BCKDHB: variants seen among roughly 807,000 people sequenced by gnomAD.
BCKDHB encodes branched chain keto acid dehydrogenase E1 subunit beta, also known as 2-oxoisovalerate dehydrogenase subunit beta, mitochondrial.
In BCKDHB, 41 loss-of-function variants were observed where a neutral mutation model predicts 48.5. The ratio of observed to expected loss-of-function variants is 0.85; its 90% CI spans 0.66 to 1.10. The LOEUF (loss-of-function observed/expected upper bound fraction) is 1.10. Among genes scored for constraint, BCKDHB ranks in the 50% least tolerant of loss-of-function variants. The pLI, the probability that BCKDHB is intolerant of heterozygous loss-of-function variation, is 0.00. For missense variants in BCKDHB, 496 were observed against 494.2 expected, an observed-to-expected ratio of 1.00 and a Z score of -0.03; for synonymous variants, 201 against 174.8, an observed-to-expected ratio of 1.15 and a Z score of -1.18.
chr6:80,146,208 G>A (rs56184211), intron 3 of BCKDHB, among the ~76,000 whole-genome samples: 8 of 152,044 alleles, frequency 5.3e-5, no homozygotes, highest in Non-Finnish European at 1.2e-4. Flanking sequence ...GCTCTGGAAG[G>A]TACTAAAATT....
chr6:80,289,638 G>A (rs1766808410), intron 9 of BCKDHB, among the ~76,000 whole-genome samples: 1 of 152,108 alleles, frequency 6.6e-6, no homozygotes, highest in Non-Finnish European at 1.5e-5. Context: ...CTTGGGAAAG[G>A]GGTGAATGAG....
the BCKDHB span, among the ~76,000 whole-genome samples, chr6:80,360,565 G>T: frequency 6.6e-6 from 1 of 152,188 alleles, no homozygotes; most frequent in African/African-American, 2.4e-5. Context: ...TATGTTCACA[G>T]ATTGCTACTT....
intron 1 of BCKDHB, among the ~76,000 whole-genome samples, chr6:80,112,287 G>T (rs1769451068): frequency 6.6e-6 from 1 of 152,130 alleles, no homozygotes. Flanking sequence ...ATCCAGTGAA[G>T]GCTGTGAACC....
chr6:80,400,574 A>G, the BCKDHB span, among the ~76,000 whole-genome samples: 1 of 152,036 alleles, frequency 6.6e-6, no homozygotes, highest in Non-Finnish European at 1.5e-5. Context: ...AAAATAATAG[A>G]TGCTGGTGAG....
the BCKDHB span, among the ~76,000 whole-genome samples, chr6:80,442,380 G>A: frequency 2.0e-5 from 3 of 152,030 alleles, no homozygotes; most frequent in Non-Finnish European, 4.4e-5. Flanking sequence ...TTATACAACA[G>A]TATACTAAAT....
chr6:80,215,767 C>G (rs143627906), intron 8 of BCKDHB, among the ~76,000 whole-genome samples: 1 of 152,028 alleles, frequency 6.6e-6, no homozygotes, highest in East Asian at 1.9e-4. Flanking sequence ...TTTTTTGAGA[C>G]GGAGTCTCGC....
rs147649938 is a variant in BCKDHB at position 80,269,335 on chromosome 6, T to C, written c.952-3800T>C. On this transcript the variant is annotated intron_variant, in intron 8 of 9. Coordinates refer to ENST00000320393, the MANE Select transcript of BCKDHB (RefSeq NM_183050.4). ...GTGATAGTATGCCACTAATGCTCTG[T>C]TGGACGGAATGACTAACTGAAGTGG... Among the ~76,000 whole-genome samples the C allele has an allele frequency of 1.4e-4, 22 of 152,272 alleles. No homozygotes were observed. In the East Asian group the frequency reaches 3.5e-3, roughly 24 times the overall value.
chr6:80,426,436 T>G, the BCKDHB span, among the ~76,000 whole-genome samples: 1 of 152,166 alleles, frequency 6.6e-6, no homozygotes, highest in South Asian at 2.1e-4. Flanking sequence ...ATTCAGAACT[T>G]CTTTTCTAAT....
chr6:80,117,480 C>A (rs1026917337), intron 1 of BCKDHB, among the ~76,000 whole-genome samples: 18 of 152,084 alleles, frequency 1.2e-4, no homozygotes, highest in African/African-American at 4.3e-4. Flanking sequence ...GGGAATAGGC[C>A]CCCAAATCTG....
Position 80,230,565 on chromosome 6 carries a change from A to G in BCKDHB, c.951+27353A>G, listed in dbSNP as rs542458322. On this transcript the variant is annotated intron_variant, in intron 8 of 9. Transcript: ENST00000320393. ...AAATATTTTCAACTTTGTGGGCTAT[A>G]TGGTCTGTCTTAATTATTCAACTCT... 8.5e-5 allele frequency among the ~76,000 whole-genome samples: 13 copies of G among 152,218 alleles called. No homozygotes were observed. The East Asian group carries it at 1.5e-3, about 18-fold the overall frequency.
At chr6:80,432,525 C>G in the BCKDHB span, among the ~76,000 whole-genome samples, 1 of 152,106 alleles carries the variant, frequency 6.6e-6, no homozygotes, top group African/African-American at 2.4e-5. Flanking sequence ...TGTTTTTCGG[C>G]TCCATCTGGT....
At chr6:80,177,237 A>C (rs1346387273) in intron 6 of BCKDHB, among the ~76,000 whole-genome samples, 1 of 145,054 alleles carries the variant, frequency 6.9e-6, no homozygotes, top group Non-Finnish European at 1.5e-5. Context: ...AAAAAAAAAA[A>C]AAAAAAAAAA....
At chr6:80,177,693 C>T (rs1773229173) in intron 6 of BCKDHB, among the ~76,000 whole-genome samples, 8 of 152,138 alleles carry the variant, frequency 5.3e-5, no homozygotes, top group Admixed American at 5.2e-4. Flanking sequence ...CTTTTCCCTC[C>T]TGTAGTACTA....
At chr6:80,437,884 G>A in the BCKDHB span, among the ~76,000 whole-genome samples, 217 of 152,318 alleles carry the variant, frequency 1.4e-3, 1 homozygote, top group Non-Finnish European at 2.2e-3. Flanking sequence ...GAATTGAAAA[G>A]TGATAGTTCT....
intron 6 of BCKDHB, among the ~76,000 whole-genome samples, chr6:80,190,672 C>A (rs1773853213): frequency 6.6e-6 from 1 of 152,036 alleles, no homozygotes; most frequent in South Asian, 2.1e-4. Flanking sequence ...AAAAGGTGAC[C>A]TTTTCATCTA....
At chr6:80,362,993 A>C in the BCKDHB span, among the ~76,000 whole-genome samples, 1 of 152,318 alleles carries the variant, frequency 6.6e-6, no homozygotes, top group Non-Finnish European at 1.5e-5. Context: ...CTATTTTGTC[A>C]TACTACAATT....
At chr6:80,448,916 A>G in the BCKDHB span, among the ~76,000 whole-genome samples, 3 of 152,340 alleles carry the variant, frequency 2.0e-5, no homozygotes, top group East Asian at 1.9e-4. Context: ...AAACCTGCAC[A>G]TGTACCCCCT....
At chr6:80,272,777 G>A (rs931221542) in intron 8 of BCKDHB, among the ~76,000 whole-genome samples, 1 of 151,892 alleles carries the variant, frequency 6.6e-6, no homozygotes, top group Non-Finnish European at 1.5e-5. Context: ...AAAAACTTTC[G>A]CTCTTTAACA....
At chr6:80,335,079 T>C (rs1239690049) in intron 9 of BCKDHB, among the ~76,000 whole-genome samples, 2 of 151,774 alleles carry the variant, frequency 1.3e-5, no homozygotes, top group East Asian at 3.9e-4. Context: ...TTAGGAGAAA[T>C]CTTAATGTAG....
Sources: gnomAD v4.1 joint callset for allele counts (sites outside exome capture counted in the v4.1 genomes callset) on GRCh38, gnomAD v4.1.1 for gene constraint, MANE v1.5 for transcripts, NCBI Gene and HGNC (gene_info 2026-07-23, HGNC 2026-07-21) for gene names.